FAM227B: variants seen among roughly 807,000 people sequenced by gnomAD.
The protein encoded by FAM227B is family with sequence similarity 227 member B, also known as protein FAM227B.
FAM227B carries 88 observed loss-of-function variants against 73.8 expected under a neutral mutation model. The observed-to-expected ratio is 1.19, with a 90% confidence interval of 1.00 to 1.42. The LOEUF (loss-of-function observed/expected upper bound fraction) is 1.42, where lower values mean the gene tolerates loss of function less well. Ranked by LOEUF, FAM227B falls within the 40% of genes most tolerant of loss-of-function variation. The probability of loss-of-function intolerance (pLI) is 0.00; values close to 1 mark genes in which losing one functional copy is unlikely to be tolerated. For synonymous variants in FAM227B, 210 were observed against 190.5 expected, an observed-to-expected ratio of 1.10 and a Z score of -0.84; for missense variants, 632 against 590.9, an observed-to-expected ratio of 1.07 and a Z score of -0.72.
chr15:49,478,365 G>GT (rs760256819), intron 11 of FAM227B, among the ~76,000 whole-genome samples: 9 of 150,462 alleles, frequency 6.0e-5, no homozygotes, highest in Non-Finnish European at 1.2e-4. Flanking sequence ...TGTTTTCAGT[G>GT]TTTTTTGTAT....
chr15:49,369,253 G>A (rs1004559771), intron 12 of FAM227B, among the ~76,000 whole-genome samples: 3 of 152,102 alleles, frequency 2.0e-5, no homozygotes, highest in Non-Finnish European at 4.4e-5. Context: ...CACTGCACCC[G>A]GCCTGGTGTT....
intron 13 of FAM227B, among the ~76,000 whole-genome samples, chr15:49,355,998 T>C (rs938277614): frequency 4.0e-5 from 6 of 151,344 alleles, no homozygotes; most frequent in Non-Finnish European, 5.9e-5. Context: ...CTAAGCTTCA[T>C]AAGTGAAGGA....
At chr15:49,428,543 T>G (rs777186056) in intron 11 of FAM227B, among the ~76,000 whole-genome samples, 4 of 152,044 alleles carry the variant, frequency 2.6e-5, no homozygotes, top group Admixed American at 1.3e-4. Context: ...AGGCTATCAT[T>G]CTGCACCTGA....
At chr15:49,424,267 T>A in intron 11 of FAM227B, 1 of 1,586,176 alleles carries the variant, frequency 6.3e-7, no homozygotes, top group Non-Finnish European at 8.6e-7. Flanking sequence ...TTCATTATGT[T>A]ATTCATGAAC....
At chr15:49,584,543 G>C (rs2076025407) in intron 5 of FAM227B, among the ~76,000 whole-genome samples, 1 of 151,980 alleles carries the variant, frequency 6.6e-6, no homozygotes, top group South Asian at 2.1e-4. Context: ...AGAAATAAAG[G>C]GCATCCAAAT....
chr15:49,558,954 A>G (rs2074004569), intron 9 of FAM227B, among the ~76,000 whole-genome samples: 1 of 152,020 alleles, frequency 6.6e-6, no homozygotes, highest in South Asian at 2.1e-4. Flanking sequence ...ATTTACAAGC[A>G]GCAGCAGTAC....
At chr15:49,589,298 G>A (rs1225628897) in intron 4 of FAM227B, among the ~76,000 whole-genome samples, 1 of 151,880 alleles carries the variant, frequency 6.6e-6, no homozygotes, top group Non-Finnish European at 1.5e-5. Flanking sequence ...TTTGTTTCTA[G>A]TAAGAATATT....
intron 11 of FAM227B, among the ~76,000 whole-genome samples, chr15:49,500,324 C>T (rs927342921): frequency 2.0e-5 from 3 of 152,354 alleles, no homozygotes; most frequent in Middle Eastern, 3.4e-3. Context: ...CTTCAGCAGG[C>T]ACTCAATAAC....
intron 2 of FAM227B, among the ~76,000 whole-genome samples, chr15:49,613,056 A>C (rs2078052430): frequency 6.6e-6 from 1 of 152,236 alleles, no homozygotes; most frequent in South Asian, 2.1e-4. Context: ...GGGTACAAAA[A>C]TATAGGTTAG....
intron 9 of FAM227B, among the ~76,000 whole-genome samples, chr15:49,547,572 G>A (rs914824507): frequency 1.3e-5 from 2 of 152,118 alleles, no homozygotes; most frequent in African/African-American, 2.4e-5. Context: ...TCAAAATAAA[G>A]GGATGGAGGA....
At chr15:49,397,956 C>T (rs1373840776) in intron 11 of FAM227B, among the ~76,000 whole-genome samples, 1 of 152,032 alleles carries the variant, frequency 6.6e-6, no homozygotes, top group Admixed American at 6.6e-5. Context: ...GCAAAATAAC[C>T]AGCTAACATC....
At chr15:49,361,406 T>C (rs957971521) in intron 13 of FAM227B, among the ~76,000 whole-genome samples, 11 of 152,076 alleles carry the variant, frequency 7.2e-5, no homozygotes, top group African/African-American at 2.7e-4. Flanking sequence ...CCTTCCCTCC[T>C]CCCTCAAGTA....
intron 2 of FAM227B, among the ~76,000 whole-genome samples, chr15:49,613,488 G>A (rs111693763): frequency 0.06 from 9,191 of 152,224 alleles, 981 homozygotes; most frequent in African/African-American, 0.21. Context: ...GTGACAGAGC[G>A]AGACTCTCTC....
At chr15:49,530,302 T>G (rs2060514823) in intron 10 of FAM227B, among the ~76,000 whole-genome samples, 2 of 14,162 alleles carry the variant, frequency 1.4e-4, no homozygotes, top group Non-Finnish European at 4.1e-4. Context: ...CTATGGGTCT[T>G]TCAAAGCATA....
At chr15:49,509,243 T>C (rs1422460794) in intron 10 of FAM227B, among the ~76,000 whole-genome samples, 1 of 152,074 alleles carries the variant, frequency 6.6e-6, no homozygotes, top group Non-Finnish European at 1.5e-5. Context: ...TGTTTAAAAA[T>C]CAAAAAGCAT....
chr15:49,587,581 T>C (rs1403259100), intron 5 of FAM227B, among the ~76,000 whole-genome samples: 1 of 152,152 alleles, frequency 6.6e-6, no homozygotes, highest in Non-Finnish European at 1.5e-5. Context: ...TTTTAGAACA[T>C]ATTTTTAAAA....
intron 3 of FAM227B, 117 bp from the exon 4 acceptor site, chr15:49,590,124 C>A: frequency 1.6e-6 from 1 of 612,790 alleles, no homozygotes; most frequent in Non-Finnish European, 2.9e-6. Context: ...TGTTTTTTAT[C>A]ACTTTTTAAA....
chr15:49,598,954 C>A (rs1419125361), intron 3 of FAM227B, among the ~76,000 whole-genome samples: 1 of 151,964 alleles, frequency 6.6e-6, no homozygotes, highest in Non-Finnish European at 1.5e-5. Flanking sequence ...ACCCTAGCCT[C>A]ATCAAATAAA....
At chr15:49,391,773 C>G (rs533062948) in intron 11 of FAM227B, among the ~76,000 whole-genome samples, 17 of 152,226 alleles carry the variant, frequency 1.1e-4, no homozygotes, top group South Asian at 6.2e-4. Flanking sequence ...AATATAACCT[C>G]CAAGTATTGA....
Sources: allele counts gnomAD v4.1 joint callset (sites outside exome capture counted in the v4.1 genomes callset), GRCh38; gene constraint gnomAD v4.1.1; transcripts MANE v1.5; gene names NCBI Gene and HGNC (gene_info 2026-07-23, HGNC 2026-07-21).